The following TENM4 variants were observed in gnomAD, a reference collection of about 807,000 sequenced individuals.
TENM4 encodes the protein teneurin transmembrane protein 4.
A neutral mutation model predicts 243.3 loss-of-function variants in TENM4; 82 were observed. The observed-to-expected ratio is 0.34, with a 90% CI of 0.28 to 0.40. The LOEUF is 0.40. Among genes scored for constraint, TENM4 ranks in the 10% least tolerant of loss-of-function variants. TENM4 has a pLI of 1.00. For synonymous variants in TENM4, 1,412 were observed against 1,456.3 expected, an observed-to-expected ratio of 0.97 and a Z score of 0.69; for missense variants, 3,138 against 3,673.3, an observed-to-expected ratio of 0.85 and a Z score of 3.77.
intron 12 of TENM4, among the ~76,000 whole-genome samples, chr11:78,838,620 T>C (rs1303855559): frequency 2.0e-5 from 3 of 151,922 alleles, no homozygotes; most frequent in East Asian, 3.9e-4. Context: ...AAAATTCCTC[T>C]AGGGGGCAGG....
chr11:79,316,901 G>A (rs758137211), intron 1 of TENM4, among the ~76,000 whole-genome samples: 5 of 152,182 alleles, frequency 3.3e-5, no homozygotes, highest in Admixed American at 1.3e-4. Context: ...TGCTTTGTTC[G>A]CTTCAAGGGG....
At chr11:79,246,945 G>A (rs1411073253) in intron 2 of TENM4, among the ~76,000 whole-genome samples, 9 of 149,004 alleles carry the variant, frequency 6.0e-5, no homozygotes, top group African/African-American at 2.0e-4. Flanking sequence ...GACAGTACAT[G>A]TATGTGTTGT....
At chr11:78,986,093 C>T (rs1305460629) in intron 6 of TENM4, among the ~76,000 whole-genome samples, 1 of 152,170 alleles carries the variant, frequency 6.6e-6, no homozygotes, top group South Asian at 2.1e-4. Context: ...TTCTACTGGG[C>T]TCCTCTTACT....
chr11:78,935,888 C>A (rs1856772318), intron 6 of TENM4, among the ~76,000 whole-genome samples: 1 of 152,162 alleles, frequency 6.6e-6, no homozygotes, highest in Non-Finnish European at 1.5e-5. Context: ...ATGGAGCCAC[C>A]TTGAGCAGAT....
Position 78,654,493 on chromosome 11 carries a change from CTTCTT to C in TENM4, c.*3560_*3564del, listed in dbSNP as rs1430087011. The C allele has an allele frequency of 6.6e-6, 1 of 152,184 alleles. No individual in the cohort carries two copies. The highest frequency in any genetic ancestry group is 1.5e-5 in the Non-Finnish European group (1 of 68,030). 9.4% of individuals were successfully genotyped at this position (152,184 alleles called of 1,614,324 possible). A position where few individuals can be genotyped will look rare whatever the true frequency, so the allele number is the denominator to read the frequency against. On this transcript the variant is annotated 3_prime_UTR_variant, in exon 34 of 34. Coordinates refer to ENST00000278550, the MANE Select transcript of TENM4 (RefSeq NM_001098816.3). ...GTTGCAGCTGCGAAGATTTGTTTTT[CTTCTT>C]TTTTCAAATTCTGATTCTTTGTTCT...
At chr11:79,281,537 C>T (rs1037634480) in intron 2 of TENM4, among the ~76,000 whole-genome samples, 2 of 152,090 alleles carry the variant, frequency 1.3e-5, no homozygotes, top group South Asian at 2.1e-4. Flanking sequence ...GAGTTATCTG[C>T]CCCAGCTTGG....
At chr11:79,176,981 A>T (rs1217102855) in intron 3 of TENM4, among the ~76,000 whole-genome samples, 4 of 152,078 alleles carry the variant, frequency 2.6e-5, no homozygotes, top group Non-Finnish European at 5.9e-5. Context: ...GTCCAGCTAG[A>T]TTCTCTGCTC....
chr11:79,225,076 C>G (rs919061912), intron 2 of TENM4, among the ~76,000 whole-genome samples: 1 of 152,288 alleles, frequency 6.6e-6, no homozygotes, highest in East Asian at 1.9e-4. Context: ...AAGTCCAGGA[C>G]AGATTCTTCC....
chr11:79,135,857 A>G (rs1475223989), intron 4 of TENM4, among the ~76,000 whole-genome samples: 1 of 150,094 alleles, frequency 6.7e-6, no homozygotes, highest in Non-Finnish European at 1.5e-5. Context: ...ACAACTCAGC[A>G]TTAAAAAAAT....
intron 1 of TENM4, among the ~76,000 whole-genome samples, chr11:79,349,450 G>A (rs1156756712): frequency 6.6e-6 from 1 of 152,182 alleles, no homozygotes; most frequent in African/African-American, 2.4e-5. Flanking sequence ...GGTTTGCAAA[G>A]CACATTTCTA....
At position 79,069,767 on chromosome 11, in the gene TENM4, C is replaced by T; in HGVS notation, c.178G>A (p.Val60Ile). The change falls in exon 5 of 34, where the codon GTC becomes ATC. Residue 60 changes from valine to isoleucine, a missense_variant. By Grantham distance (29) the Val-to-Ile change is conservative. This residue lies in a region of TENM4 where 671 missense variants were observed against 614.1 expected (regional missense o/e 1.09). Coordinates refer to ENST00000278550, the MANE Select transcript of TENM4 (RefSeq NM_001098816.3). The part of the protein sequence containing the change: ...QDARLAYGSR[V>I]KDIVPQEAEE... ...GCCTCCTGCGGCACAATGTCCTTGA[C>T]GCGGCTGCCATAGGCTAGGCGGGCG... 6.4e-7 allele frequency: 1 copy of T among 1,551,248 alleles called. No homozygotes were observed. The highest frequency in any genetic ancestry group is 1.4e-5 in the African/African-American group (1 of 73,176).
At chr11:79,023,169 A>G (rs1342884954) in intron 6 of TENM4, among the ~76,000 whole-genome samples, 1 of 152,204 alleles carries the variant, frequency 6.6e-6, no homozygotes, top group South Asian at 2.1e-4. Context: ...AGATATACCT[A>G]TGATACCTGC....
intron 33 of TENM4, among the ~76,000 whole-genome samples, chr11:78,660,290 A>G (rs2135628944): frequency 6.6e-6 from 1 of 152,334 alleles, no homozygotes; most frequent in Non-Finnish European, 1.5e-5. Context: ...CCTCACCTGT[A>G]AAATGGGGAA....
rs1392905245 is a variant in TENM4 at position 78,655,637 on chromosome 11, G to A, written c.*2421C>T. 1 of 152,372 alleles carries A rather than the reference G, an allele frequency of 6.6e-6. No individual in the cohort carries two copies. Among genetic ancestry groups the A allele is most frequent in the Non-Finnish European group, 1.5e-5 (1 of 68,156 alleles). 9.4% of individuals were successfully genotyped at this position (152,372 alleles called of 1,614,324 possible). A position where few individuals can be genotyped will look rare whatever the true frequency, so the allele number is the denominator to read the frequency against. ...GGAGGAGGGACAGGGCGTGGGGGAA[G>A]CGTAGGGAGCTGGTTCCTGTGGACC... On this transcript the variant is annotated 3_prime_UTR_variant, in exon 34 of 34. Transcript: ENST00000278550.
intron 4 of TENM4, among the ~76,000 whole-genome samples, chr11:79,109,337 G>A (rs570239025): frequency 6.6e-6 from 1 of 152,336 alleles, no homozygotes; most frequent in South Asian, 2.1e-4. Context: ...CCTGATAGCT[G>A]TGAGGGCAGA....
chr11:79,338,304 G>T (rs1467650143), intron 1 of TENM4, among the ~76,000 whole-genome samples: 2 of 152,224 alleles, frequency 1.3e-5, no homozygotes, highest in African/African-American at 4.8e-5. Context: ...TTCTAGTGGG[G>T]CAAATTTTCA....
In TENM4 at chr11:78,670,311, A is replaced by G. The variant is rs1858289547; in HGVS notation, c.6034T>C (p.Tyr2012His). 6.2e-7 allele frequency: 1 copy of G among 1,613,774 alleles called. No homozygotes were observed. The highest frequency in any genetic ancestry group is 8.5e-7 in the Non-Finnish European group (1 of 1,179,862). ...AGCTTTGACAGTTTGCCATACTTGT[A>G]TATCACCCTGCGGCCAGTGCCCAGG... ...FYLGTGRRVI[Y>H]KYGKLSKLAE... Residue 2012 changes from tyrosine (Y) to histidine (H), a missense_variant, in exon 32 of 34, where the codon TAC becomes CAC. Physicochemically the swap from Tyr to His is moderately conservative, Grantham distance 83. This residue lies in a region of TENM4 where 2,467 missense variants were observed against 3,059.1 expected (regional missense o/e 0.81). Coordinates refer to ENST00000278550, the MANE Select transcript of TENM4 (RefSeq NM_001098816.3).
chr11:78,930,873 A>G (rs959350786), intron 6 of TENM4, among the ~76,000 whole-genome samples: 3 of 152,210 alleles, frequency 2.0e-5, no homozygotes, highest in African/African-American at 7.2e-5. Flanking sequence ...CTAACCCTTC[A>G]GAGGCAGGAA....
chr11:78,956,664 T>C lies in TENM4; in HGVS notation c.494-53141A>G, dbSNP rs531452943. 3.3e-5 allele frequency among the ~76,000 whole-genome samples: 5 copies of C among 152,350 alleles called. No individual in the cohort carries two copies. The East Asian group carries it at 5.8e-4, about 18-fold the overall frequency. ...TTTCTGAGCTCCGCTTCCCTCATTT[T>C]TAAGAAGACACAATTCAGGATCACC... On this transcript the variant is annotated intron_variant, in intron 6 of 33. Coordinates refer to ENST00000278550, the MANE Select transcript of TENM4 (RefSeq NM_001098816.3).
Sources: gnomAD v4.1 joint callset for allele counts (sites outside exome capture counted in the v4.1 genomes callset) on GRCh38, gnomAD v4.1.1 for gene constraint, gnomAD v4.1.1 regional missense constraint, MANE v1.5 for transcripts, NCBI Gene and HGNC (gene_info 2026-07-23, HGNC 2026-07-21) for gene names.